Variants in GALNT17 observed in about 807,000 individuals in gnomAD.
GALNT17 encodes the protein UDP-GalNAc:polypeptide N-acetylgalactosaminyltransferase-like 3.
In GALNT17, 29 loss-of-function variants were observed where a neutral mutation model predicts 63.7. That is an observed-to-expected ratio of 0.46 (90% CI 0.34 to 0.62). The LOEUF (loss-of-function observed/expected upper bound fraction) is 0.62. Among genes scored for constraint, GALNT17 ranks in the 20% least tolerant of loss-of-function variants. GALNT17 has a pLI of 0.01. For missense variants in GALNT17, 603 were observed against 799.6 expected (o/e 0.75, Z 2.97); for synonymous variants, 305 against 318.3 (o/e 0.96, Z 0.45).
At chr7:71,684,837 A>G (rs1175943551) in intron 9 of GALNT17, among the ~76,000 whole-genome samples, 3 of 151,896 alleles carry the variant, frequency 2.0e-5, no homozygotes, top group Non-Finnish European at 4.4e-5. Flanking sequence ...CTAATTTTTC[A>G]GTTTTTTTGT....
rs111322006 is a variant in GALNT17 at position 71,239,110 on chromosome 7, G to C, written c.239-96440G>C. Among the ~76,000 whole-genome samples the C allele has an allele frequency of 2.5e-3, 379 of 152,300 alleles. 2 individuals carry two copies. The highest frequency in any genetic ancestry group is 8.3e-3 in the African/African-American group (343 of 41,562). On this transcript the variant is annotated intron_variant, in intron 1 of 10. Transcript: ENST00000333538. ...CAATCTAATGAGACACCTTGAGTCA[G>C]AGGCACCAAGCTATGCTATGCCCAA...
intron 5 of GALNT17, among the ~76,000 whole-genome samples, chr7:71,547,811 G>C (rs1789010859): frequency 6.6e-6 from 1 of 152,138 alleles, no homozygotes; most frequent in African/African-American, 2.4e-5. Flanking sequence ...AGGGATTGAA[G>C]CTAATTGTTT....
chr7:71,264,448 CT>C (rs1254092187), intron 1 of GALNT17, among the ~76,000 whole-genome samples: 2 of 152,284 alleles, frequency 1.3e-5, no homozygotes, highest in Admixed American at 1.3e-4. Flanking sequence ...AATTCTAGAA[CT>C]TCCATACCCT....
intron 6 of GALNT17, among the ~76,000 whole-genome samples, chr7:71,625,379 CA>C (rs1790356819): frequency 6.6e-6 from 1 of 152,154 alleles, no homozygotes; most frequent in Non-Finnish European, 1.5e-5. Context: ...CTCCTGACCT[CA>C]GGTGATCCAC....
At chr7:71,236,585 T>C (rs752764440) in intron 1 of GALNT17, among the ~76,000 whole-genome samples, 17 of 152,204 alleles carry the variant, frequency 1.1e-4, no homozygotes, top group Admixed American at 3.3e-4. Flanking sequence ...AGACTTGCTG[T>C]CATCTGTCCC....
intron 1 of GALNT17, among the ~76,000 whole-genome samples, chr7:71,177,617 AGAGATGATG>A (rs1283665202): frequency 5.3e-5 from 8 of 152,162 alleles, no homozygotes; most frequent in African/African-American, 1.9e-4. Flanking sequence ...TTGGACATAC[AGAGATGATG>A]GAGATGATGG....
At chr7:71,693,636 G>A (rs955925294) in intron 9 of GALNT17, among the ~76,000 whole-genome samples, 2 of 150,642 alleles carry the variant, frequency 1.3e-5, no homozygotes, top group Non-Finnish European at 2.9e-5. Flanking sequence ...ACAAACACTG[G>A]GGCCTATTGG....
Position 71,155,229 on chromosome 7 carries a change from C to T in GALNT17, c.238+22189C>T, listed in dbSNP as rs186859625. Among the ~76,000 whole-genome samples the T allele has an allele frequency of 5.7e-3, 866 of 151,882 alleles. 10 individuals carry two copies. Among genetic ancestry groups the T allele is most frequent in the Non-Finnish European group, 9.1e-3 (617 of 68,030 alleles). On this transcript the variant is annotated intron_variant, in intron 1 of 10. Transcript: ENST00000333538. ...CCACAGTTCCTTATATTGTGCTGTTCCAGGTCTTTTAGCAGCAGAGACAAG... is the reference window on the plus strand; with the variant it reads ...CCACAGTTCCTTATATTGTGCTGTTTCAGGTCTTTTAGCAGCAGAGACAAG...
intron 3 of GALNT17, among the ~76,000 whole-genome samples, chr7:71,403,673 G>A (rs889705339): frequency 1.3e-5 from 2 of 152,058 alleles, no homozygotes; most frequent in South Asian, 2.1e-4. Context: ...TCCTGAATAC[G>A]GAGCACCCCA....
intron 6 of GALNT17, among the ~76,000 whole-genome samples, chr7:71,654,661 C>G (rs1439739776): frequency 2.1e-5 from 3 of 143,790 alleles, no homozygotes; most frequent in African/African-American, 7.3e-5. Context: ...TGTTGTTTCA[C>G]TGTTACGTTA....
At chr7:71,581,005 A>C (rs1789628020) in intron 6 of GALNT17, among the ~76,000 whole-genome samples, 1 of 152,138 alleles carries the variant, frequency 6.6e-6, no homozygotes, top group Non-Finnish European at 1.5e-5. Context: ...TAATTTATAA[A>C]CAAAAGACAG....
intron 1 of GALNT17, among the ~76,000 whole-genome samples, chr7:71,306,450 T>C (rs1791299127): frequency 6.6e-6 from 1 of 152,096 alleles, no homozygotes; most frequent in South Asian, 2.1e-4. Context: ...AGAATTTGAC[T>C]ACTCTACATA....
chr7:71,451,151 A>G lies in GALNT17; in HGVS notation c.962+30046A>G, dbSNP rs894384619. Among the ~76,000 whole-genome samples, 24 of 152,126 alleles carry G rather than the reference A, an allele frequency of 1.6e-4. No homozygotes were observed. The East Asian group carries it at 2.3e-3, about 15-fold the overall frequency. ...TGTGTCCAAGTGTTCTCATTGTTCA[A>G]TTCCCACCTATGAGTGAGAACATGT... On this transcript the variant is annotated intron_variant, in intron 5 of 10. Coordinates refer to ENST00000333538, the MANE Select transcript of GALNT17 (RefSeq NM_022479.3).
At chr7:71,218,025 C>T (rs142978312) in intron 1 of GALNT17, among the ~76,000 whole-genome samples, 20 of 152,178 alleles carry the variant, frequency 1.3e-4, no homozygotes, top group African/African-American at 3.4e-4. Context: ...GGTAATGTAT[C>T]GTGCAACTTT....
chr7:71,356,635 C>T (rs193233126), intron 2 of GALNT17, among the ~76,000 whole-genome samples: 192 of 152,322 alleles, frequency 1.3e-3, no homozygotes, highest in Admixed American at 5.9e-3. Context: ...AACTTACTCA[C>T]TACCATGAGG....
chr7:71,341,750 T>G (rs1792008783), intron 2 of GALNT17, among the ~76,000 whole-genome samples: 1 of 152,198 alleles, frequency 6.6e-6, no homozygotes, highest in South Asian at 2.1e-4. Flanking sequence ...TCTTAACAAT[T>G]TTACCTCCTC....
At chr7:71,689,037 G>C (rs917437214) in intron 9 of GALNT17, among the ~76,000 whole-genome samples, 2 of 152,116 alleles carry the variant, frequency 1.3e-5, no homozygotes, top group African/African-American at 4.8e-5. Flanking sequence ...ATGGTGGTTT[G>C]TGATCAGTAT....
At chr7:71,569,568 C>A (rs186000684) in intron 5 of GALNT17, among the ~76,000 whole-genome samples, 1 of 152,110 alleles carries the variant, frequency 6.6e-6, no homozygotes, top group Admixed American at 6.6e-5. Flanking sequence ...TTTGTTAGCT[C>A]GGCCAGAAGA....
At chr7:71,696,337 T>G (rs1423512579) in intron 9 of GALNT17, among the ~76,000 whole-genome samples, 1 of 152,142 alleles carries the variant, frequency 6.6e-6, no homozygotes, top group Non-Finnish European at 1.5e-5. Context: ...GGTCTTGAAC[T>G]CCTAGCCTCA....
Sources: gnomAD v4.1 joint callset for allele counts (sites outside exome capture counted in the v4.1 genomes callset) on GRCh38, gnomAD v4.1.1 for gene constraint, MANE v1.5 for transcripts, NCBI Gene and HGNC (gene_info 2026-07-23, HGNC 2026-07-21) for gene names.